The following TMEM51 variants were observed in gnomAD, a reference collection of about 807,000 sequenced individuals.
TMEM51 encodes the protein transmembrane protein 51.
A neutral mutation model predicts 13.6 loss-of-function variants in TMEM51; 8 were observed. The ratio of observed to expected loss-of-function variants is 0.59; its 90% confidence interval spans 0.35 to 1.07. The LOEUF (loss-of-function observed/expected upper bound fraction) is 1.07, where lower values mean the gene tolerates loss of function less well. Among genes scored for constraint, TMEM51 ranks in the 50% least tolerant of loss-of-function variants. The pLI, the probability that TMEM51 is intolerant of heterozygous loss-of-function variation, is 0.02. For synonymous variants in TMEM51, 147 were observed against 144.4 expected (o/e 1.02, Z -0.13); for missense variants, 279 against 330.7 (o/e 0.84, Z 1.21).
chr1:15,168,434 T>C, intron 1 of TMEM51: 1 of 1,258,934 alleles, frequency 7.9e-7, no homozygotes, highest in Non-Finnish European at 1.0e-6. Context: ...AAATGTATAA[T>C]GAGCTTGGAT....
intron 1 of TMEM51, among the ~76,000 whole-genome samples, chr1:15,178,514 G>A (rs1246866038): frequency 2.0e-5 from 3 of 152,218 alleles, no homozygotes; most frequent in Non-Finnish European, 4.4e-5. Context: ...CCGCAAGGTA[G>A]TGCTTCCGGG....
chr1:15,157,350 C>T (rs755253078), intron 1 of TMEM51, among the ~76,000 whole-genome samples: 3 of 152,166 alleles, frequency 2.0e-5, no homozygotes, highest in South Asian at 2.1e-4. Flanking sequence ...AACCTGAATG[C>T]GTAGCTTCAG....
intron 1 of TMEM51, among the ~76,000 whole-genome samples, chr1:15,199,956 G>A (rs534089939): frequency 1.3e-5 from 2 of 152,310 alleles, no homozygotes; most frequent in Admixed American, 6.5e-5. Flanking sequence ...CGTGGAGGTT[G>A]TGAGCACTCG....
intron 1 of TMEM51, among the ~76,000 whole-genome samples, chr1:15,194,704 A>G (rs1295448469): frequency 6.6e-6 from 1 of 151,800 alleles, no homozygotes; most frequent in Non-Finnish European, 1.5e-5. Context: ...ACCCATCCTA[A>G]CATGTTTAAC....
intron 1 of TMEM51, among the ~76,000 whole-genome samples, chr1:15,158,369 C>G (rs1193898242): frequency 6.6e-6 from 1 of 152,200 alleles, no homozygotes; most frequent in Non-Finnish European, 1.5e-5. Flanking sequence ...CACGGGCCAT[C>G]TGGGTGTGAT....
At chr1:15,159,882 C>T (rs1642716772) in intron 1 of TMEM51, among the ~76,000 whole-genome samples, 2 of 152,150 alleles carry the variant, frequency 1.3e-5, no homozygotes, top group African/African-American at 2.4e-5. Flanking sequence ...GGAAGCTTCC[C>T]AGGCCCATCC....
At chr1:15,156,210 G>A (rs6683240) in intron 1 of TMEM51, among the ~76,000 whole-genome samples, 33,787 of 152,048 alleles carry the variant, frequency 0.22, 5,069 homozygotes, top group African/African-American at 0.43. Context: ...GCGACTCTCC[G>A]GCTCGCTGGC....
intron 1 of TMEM51, among the ~76,000 whole-genome samples, chr1:15,187,365 GTTCC>G (rs1389886307): frequency 6.6e-6 from 1 of 152,190 alleles, no homozygotes; most frequent in Non-Finnish European, 1.5e-5. Flanking sequence ...ATGCCTCTCT[GTTCC>G]TTCCTGCCCC....
intron 1 of TMEM51, among the ~76,000 whole-genome samples, chr1:15,170,483 A>G (rs1330796068): frequency 6.9e-6 from 1 of 145,546 alleles, no homozygotes; most frequent in Non-Finnish European, 1.5e-5. Flanking sequence ...TAATTTTTGT[A>G]TTTTTTGGTA....
intron 1 of TMEM51, among the ~76,000 whole-genome samples, chr1:15,178,651 G>A (rs1349815514): frequency 6.6e-6 from 1 of 152,134 alleles, no homozygotes; most frequent in Non-Finnish European, 1.5e-5. Flanking sequence ...TACTGGTGGT[G>A]TGCCCATTTT....
chr1:15,206,230 A>T (rs1182552496), intron 1 of TMEM51, among the ~76,000 whole-genome samples: 160 of 8,862 alleles, frequency 0.018, 1 homozygote, highest in African/African-American at 0.1. Flanking sequence ...GACCCTGTCA[A>T]AAAAAAAAAA....
chr1:15,219,354 G>A lies in TMEM51; in HGVS notation c.373G>A (p.Ala125Thr). 6.3e-7 allele frequency: 1 copy of A among 1,593,022 alleles called. No homozygotes were observed. Among genetic ancestry groups the A allele is most frequent in the Admixed American group, 1.7e-5 (1 of 58,382 alleles). ...SQEEEEEDEE[A>T]ASRYYVPSYE... Reference sequence around the variant, plus strand: ...GGAGGAAGAAGAGGAGGATGAGGAGGCTGCCTCAAGGTACTATGTTCCCAG... The same window carrying A: ...GGAGGAAGAAGAGGAGGATGAGGAGACTGCCTCAAGGTACTATGTTCCCAG... The change falls in exon 4 of 4, where the codon GCT (alanine) becomes ACT (threonine). Residue 125 changes from alanine (A) to threonine (T), a missense_variant. Physicochemically the swap from Ala to Thr is moderately conservative, Grantham distance 58. Coordinates refer to ENST00000376008, the MANE Select transcript of TMEM51 (RefSeq NM_001136218.2).
intron 2 of TMEM51, among the ~76,000 whole-genome samples, chr1:15,211,461 AG>A (rs1431703468): frequency 5.3e-5 from 8 of 152,232 alleles, no homozygotes; most frequent in African/African-American, 9.6e-5. Context: ...TGTCTGTTTA[AG>A]AACTTACTGT....
intron 1 of TMEM51, among the ~76,000 whole-genome samples, chr1:15,180,824 T>C (rs12135755): frequency 0.31 from 46,559 of 152,070 alleles, 7,454 homozygotes; most frequent in Middle Eastern, 0.4. Flanking sequence ...GCTATTCTTA[T>C]CTGCAGAGCA....
At chr1:15,188,786 G>A (rs1643862075) in intron 1 of TMEM51, among the ~76,000 whole-genome samples, 1 of 152,232 alleles carries the variant, frequency 6.6e-6, no homozygotes, top group Non-Finnish European at 1.5e-5. Flanking sequence ...GCACCTGGGT[G>A]ACTGCTACAT....
rs984588495 is a variant in TMEM51 at position 15,159,705 on chromosome 1, C to G, written c.-267+5751C>G. ...CCTAGTAGCTGGGACTACAGGCATG[C>G]GCCACCACACCCAGCTAATTTTTGT... On this transcript the variant is annotated intron_variant, in intron 1 of 3. Coordinates refer to ENST00000376008, the MANE Select transcript of TMEM51 (RefSeq NM_001136218.2). Among the ~76,000 whole-genome samples the G allele has an allele frequency of 2.6e-5, 4 of 152,262 alleles. No individual in the cohort carries two copies. The South Asian group carries it at 8.3e-4, about 32-fold the overall frequency.
chr1:15,171,288 T>G (rs1297582326), intron 1 of TMEM51: 1 of 1,304,016 alleles, frequency 7.7e-7, no homozygotes, highest in African/African-American at 1.5e-5. Context: ...TCCTTCCAGG[T>G]CAATGAGAGA....
At chr1:15,202,565 T>A (rs7533065) in intron 1 of TMEM51, among the ~76,000 whole-genome samples, 63 of 151,996 alleles carry the variant, frequency 4.1e-4, no homozygotes, top group African/African-American at 1.4e-3. Flanking sequence ...TGGAGGCACC[T>A]GCATCCCTGG....
intron 1 of TMEM51, among the ~76,000 whole-genome samples, chr1:15,186,180 G>A (rs1273819529): frequency 6.8e-6 from 1 of 148,138 alleles, no homozygotes; most frequent in Non-Finnish European, 1.5e-5. Flanking sequence ...CCCTCAGGTT[G>A]GGGGTAAATG....
Sources: gnomAD v4.1 joint callset for allele counts (sites outside exome capture counted in the v4.1 genomes callset) on GRCh38, gnomAD v4.1.1 for gene constraint, MANE v1.5 for transcripts, NCBI Gene and HGNC (gene_info 2026-07-23, HGNC 2026-07-21) for gene names.